Variants in PDCD10 observed in about 807,000 individuals in gnomAD.
The protein encoded by PDCD10 is programmed cell death 10.
PDCD10 carries 4 observed loss-of-function variants against 29.2 expected under a neutral mutation model. The observed-to-expected ratio is 0.14, with a 90% CI of 0.07 to 0.31. PDCD10 has a LOEUF of 0.31. Ranked by LOEUF, PDCD10 falls within the 10% of genes least tolerant of loss-of-function variation. PDCD10 has a pLI of 1.00. For missense variants in PDCD10, 183 were observed against 257.9 expected (o/e 0.71, Z 1.99); for synonymous variants, 70 against 82.2 (o/e 0.85, Z 0.80).
intron 3 of PDCD10, among the ~76,000 whole-genome samples, chr3:167,716,359 G>C (rs1293001007): frequency 6.6e-6 from 1 of 151,702 alleles, no homozygotes; most frequent in East Asian, 1.9e-4. Flanking sequence ...AGCACAACAG[G>C]GTTACAATAG....
intron 6 of PDCD10, among the ~76,000 whole-genome samples, chr3:167,693,825 G>A (rs1720512374): frequency 6.6e-6 from 1 of 151,784 alleles, no homozygotes; most frequent in Admixed American, 6.6e-5. Context: ...GTGTGGTGTT[G>A]TACACCAGTA....
At chr3:167,719,714 CTTCTT>C (rs1723380788) in intron 3 of PDCD10, among the ~76,000 whole-genome samples, 1 of 152,074 alleles carries the variant, frequency 6.6e-6, no homozygotes, top group Admixed American at 6.6e-5. Context: ...ATATATGTCT[CTTCTT>C]AAGTGAGGCC....
intron 6 of PDCD10, among the ~76,000 whole-genome samples, chr3:167,689,046 C>T (rs1024649209): frequency 2.0e-5 from 3 of 151,970 alleles, no homozygotes; most frequent in Non-Finnish European, 4.4e-5. Context: ...TACTTATTAC[C>T]TCTCTCAGGT....
intron 3 of PDCD10, among the ~76,000 whole-genome samples, chr3:167,707,757 T>C (rs1295709035): frequency 6.6e-6 from 1 of 152,158 alleles, no homozygotes; most frequent in African/African-American, 2.4e-5. Context: ...TGACAGTGCA[T>C]ACACTGTATT....
intron 6 of PDCD10, among the ~76,000 whole-genome samples, chr3:167,692,913 G>T (rs575933254): frequency 6.6e-6 from 1 of 152,176 alleles, no homozygotes; most frequent in Non-Finnish European, 1.5e-5. Context: ...GCAAGACTCC[G>T]TCTCAAAAAC....
In PDCD10 at chr3:167,724,909, G is replaced by A. The variant is rs187419132; in HGVS notation, c.-116-4636C>T. On this transcript the variant is annotated intron_variant, in intron 2 of 8. Coordinates refer to ENST00000392750, the MANE Select transcript of PDCD10 (RefSeq NM_007217.4). ...TCCTCCCCAAGAGTTGGTTAACCCA[G>A]GATTTCAATTAACTGACAATTCCTT... Among the ~76,000 whole-genome samples, 133 of 152,206 alleles carry A rather than the reference G, an allele frequency of 8.7e-4. 1 individual carries two copies. Among genetic ancestry groups the A allele is most frequent in the African/African-American group, 3.1e-3 (128 of 41,536 alleles).
At chr3:167,714,547 T>A (rs964184609) in intron 3 of PDCD10, among the ~76,000 whole-genome samples, 5 of 151,886 alleles carry the variant, frequency 3.3e-5, no homozygotes, top group African/African-American at 1.2e-4. Flanking sequence ...TGGAGAAACC[T>A]AAAGACTCCA....
Position 167,684,069 on chromosome 3 carries a change from T to A in PDCD10, c.*239A>T, listed in dbSNP as rs1719315845. 2.5e-6 allele frequency: 1 copy of A among 407,758 alleles called. No homozygotes were observed. The highest frequency in any genetic ancestry group is 4.5e-6 in the Non-Finnish European group (1 of 219,864). 25.3% of individuals were successfully genotyped at this position (407,758 alleles called of 1,614,324 possible). On this transcript the variant is annotated 3_prime_UTR_variant, in exon 9 of 9. Coordinates refer to ENST00000392750, the MANE Select transcript of PDCD10 (RefSeq NM_007217.4). ...TGACACATTAAGGCGTAAATTCTTT[T>A]GGCTTATAATTCTTAAAAGAATGAT...
rs912904786 is a variant in PDCD10, at chr3:167,733,204, G to A, written c.-117+1010C>T. Among the ~76,000 whole-genome samples the A allele has an allele frequency of 5.3e-5, 8 of 152,238 alleles. No individual in the cohort carries two copies. Among genetic ancestry groups the A allele is most frequent in the Admixed American group, 3.9e-4 (6 of 15,290 alleles). ...ACTTATATATAAAACAGTAAGCTAT[G>A]ATTTATTACATGTTAAGAGTAAGCC... On this transcript the variant is annotated intron_variant, in intron 2 of 8. Transcript: ENST00000392750.
intron 2 of PDCD10, among the ~76,000 whole-genome samples, chr3:167,732,239 C>T (rs1724896112): frequency 6.6e-6 from 1 of 152,158 alleles, no homozygotes; most frequent in Non-Finnish European, 1.5e-5. Context: ...CAACTTGAGC[C>T]TCTTCATTCT....
intron 6 of PDCD10, among the ~76,000 whole-genome samples, chr3:167,694,158 T>A (rs983964386): frequency 2.0e-5 from 3 of 147,556 alleles, no homozygotes; most frequent in Admixed American, 2.0e-4. Context: ...TTCACCTCTT[T>A]AAAAAAAAAA....
intron 6 of PDCD10, among the ~76,000 whole-genome samples, chr3:167,693,267 T>A (rs570217421): frequency 6.6e-6 from 1 of 152,356 alleles, no homozygotes; most frequent in East Asian, 1.9e-4. Flanking sequence ...GTGTTGAGGA[T>A]CAGTACACAG....
chr3:167,696,966 T>G, intron 5 of PDCD10, 43 bp downstream of exon 5: 1 of 982,128 alleles, frequency 1.0e-6, no homozygotes, highest in Non-Finnish European at 1.7e-6. Context: ...GGAAGTGCTA[T>G]TTAACAATTG....
intron 3 of PDCD10, among the ~76,000 whole-genome samples, chr3:167,712,255 T>C (rs1238176895): frequency 1.3e-5 from 2 of 151,826 alleles, no homozygotes; most frequent in Non-Finnish European, 2.9e-5. Flanking sequence ...AGTTAAAAAA[T>C]GAGAGGGATG....
Position 167,720,224 on chromosome 3 carries a change from T to C in PDCD10, c.-67A>G. Reference sequence around the variant, plus strand: ...GAGGAATCTTCATTCACTGCAATATTTCTTCTCTTTTTTGGTGATAAAAGA... The same window carrying C: ...GAGGAATCTTCATTCACTGCAATATCTCTTCTCTTTTTTGGTGATAAAAGA... On this transcript the variant is annotated 5_prime_UTR_variant, in exon 3 of 9. Transcript: ENST00000392750. 9.9e-7 allele frequency: 1 copy of C among 1,012,320 alleles called. No homozygotes were observed. 62.7% of individuals were successfully genotyped at this position (1,012,320 alleles called of 1,614,324 possible).
chr3:167,692,920 A>C (rs6808359), intron 6 of PDCD10, among the ~76,000 whole-genome samples: 1,993 of 152,324 alleles, frequency 0.013, 38 homozygotes, highest in African/African-American at 0.046. Flanking sequence ...TCCGTCTCAA[A>C]AACAAAACAA....
intron 6 of PDCD10, among the ~76,000 whole-genome samples, chr3:167,691,190 A>T (rs1370682457): frequency 6.6e-6 from 1 of 152,210 alleles, no homozygotes; most frequent in East Asian, 1.9e-4. Flanking sequence ...AACATACATG[A>T]AAATGTACCA....
rs1354036545 is a variant in PDCD10 at position 167,684,192 on chromosome 3, C to A, written c.*116G>T. The A allele has an allele frequency of 1.5e-6, 1 of 686,554 alleles. No individual in the cohort carries two copies. The highest frequency in any genetic ancestry group is 2.7e-5 in the East Asian group (1 of 37,060). The allele number at this position is 686,554 out of a possible 1,614,324, so 42.5% of individuals were successfully genotyped here. On this transcript the variant is annotated 3_prime_UTR_variant, in exon 9 of 9. Transcript: ENST00000392750. ...GATGGCAATAATCCCATTCAACATC[C>A]TGGATTAGATCCCTTCAGGAGGGAC...
In PDCD10 at chr3:167,734,848, C is replaced by T. The variant is rs1398483030; in HGVS notation, c.-440G>A. On this transcript the variant is annotated 5_prime_UTR_variant, in exon 1 of 9. Transcript: ENST00000392750. ...ACTTCACTTCCCACCTTGCAGCCCT[C>T]TTCAACTCCCGGATCAATTCACTCC... 1.3e-5 allele frequency: 2 copies of T among 153,872 alleles called. No individual in the cohort carries two copies. Among genetic ancestry groups the T allele is most frequent in the Admixed American group, 1.3e-4 (2 of 15,298 alleles). 9.5% of individuals were successfully genotyped at this position (153,872 alleles called of 1,614,324 possible). A position where few individuals can be genotyped will look rare whatever the true frequency, so the allele number is the denominator to read the frequency against.
Sources: allele counts gnomAD v4.1 joint callset (sites outside exome capture counted in the v4.1 genomes callset), GRCh38; gene constraint gnomAD v4.1.1; transcripts MANE v1.5; gene names NCBI Gene and HGNC (gene_info 2026-07-23, HGNC 2026-07-21).